DSCAML1: variants seen among roughly 807,000 people sequenced by gnomAD.
DSCAML1 encodes the protein DS cell adhesion molecule like 1, also known as cell adhesion molecule DSCAML1.
DSCAML1 carries 38 observed loss-of-function variants against 200.5 expected under a neutral mutation model. The observed-to-expected ratio is 0.19, with a 90% confidence interval of 0.15 to 0.25. DSCAML1 has a LOEUF of 0.25. Ranked by LOEUF, DSCAML1 falls within the 10% of genes least tolerant of loss-of-function variation. The probability of loss-of-function intolerance (pLI) is 1.00; values close to 1 mark genes in which losing one functional copy is unlikely to be tolerated. For synonymous variants in DSCAML1, 1,215 were observed against 1,165.0 expected (o/e 1.04, Z -0.87); for missense variants, 2,223 against 2,858.8 (o/e 0.78, Z 5.07).
intron 3 of DSCAML1, among the ~76,000 whole-genome samples, chr11:117,628,874 A>G (rs1316498344): frequency 6.6e-6 from 1 of 152,186 alleles, no homozygotes; most frequent in Non-Finnish European, 1.5e-5. Context: ...GAGATAAAGC[A>G]TCTTGTCCAA....
At chr11:117,521,024 G>C in intron 6 of DSCAML1, 106 bp downstream of exon 6, 1 of 1,469,706 alleles carries the variant, frequency 6.8e-7, no homozygotes, top group Non-Finnish European at 9.3e-7. Flanking sequence ...GGTGTGTAGT[G>C]AGCGCTGGTT....
At chr11:117,799,119 C>G (rs938315251), upstream of DSCAML1, among the ~76,000 whole-genome samples, 2 of 152,192 alleles carry the variant, frequency 1.3e-5, no homozygotes, top group African/African-American at 4.8e-5. Context: ...CCTCACGTTT[C>G]CAGTCTTCTG....
At chr11:117,801,098 G>C (rs1031138668), upstream of DSCAML1, 2 of 152,038 alleles carry the variant, frequency 1.3e-5, no homozygotes, top group African/African-American at 4.8e-5. Context: ...TTATCAGTTG[G>C]GGGAGGAAAA....
chr11:117,680,119 G>C (rs2053286208), intron 3 of DSCAML1, among the ~76,000 whole-genome samples: 1 of 152,214 alleles, frequency 6.6e-6, no homozygotes, highest in Non-Finnish European at 1.5e-5. Flanking sequence ...CCGACCATGA[G>C]ATCTCTAGAG....
At chr11:117,671,770 C>T (rs1049444102) in intron 3 of DSCAML1, among the ~76,000 whole-genome samples, 3 of 151,992 alleles carry the variant, frequency 2.0e-5, no homozygotes, top group East Asian at 1.9e-4. Context: ...GCAGAGTGGG[C>T]GGGGGAGAAG....
chr11:117,524,744 C>A, intron 5 of DSCAML1, 61 bp downstream of exon 5: 1 of 1,530,188 alleles, frequency 6.5e-7, no homozygotes, highest in Non-Finnish European at 8.8e-7. Flanking sequence ...ACACTCCTCC[C>A]CCGACCCCTG....
intron 3 of DSCAML1, among the ~76,000 whole-genome samples, chr11:117,554,011 T>C (rs2050513894): frequency 6.6e-6 from 1 of 152,252 alleles, no homozygotes; most frequent in African/African-American, 2.4e-5. Flanking sequence ...ACAACATGGA[T>C]GAACTTTGAG....
rs573944372 is a variant in DSCAML1 at position 117,560,965 on chromosome 11, G to A, written c.512-28443C>T. On this transcript the variant is annotated intron_variant, in intron 3 of 32. Coordinates refer to ENST00000651296, the MANE Select transcript of DSCAML1 (RefSeq NM_020693.4). ...GCTCTCCTGAGGGCGGGGCTCCAGG[G>A]CTGCCAGATGGGTTTCAGGGATAGA... Among the ~76,000 whole-genome samples the A allele has an allele frequency of 1.4e-3, 212 of 152,326 alleles. 4 individuals carry two copies. The South Asian group carries it at 0.041, about 30-fold the overall frequency.
chr11:117,773,529 G>GCACACACA lies in DSCAML1; in HGVS notation c.511+3254_511+3261dup, dbSNP rs59492776. ...CCATCCAGCCTCCTCACCTCAAAAT[G>GCACACACA]CACACACACACACACACACACACAC... On this transcript the variant is annotated intron_variant, in intron 3 of 32. Transcript: ENST00000651296. 7.5e-3 allele frequency among the ~76,000 whole-genome samples: 1,084 copies of GCACACACA among 144,566 alleles called. 6 individuals are homozygous for GCACACACA. The highest frequency in any genetic ancestry group is 0.025 in the East Asian group (120 of 4,836). 94.8% of individuals were successfully genotyped at this position (144,566 alleles called of 152,430 possible).
intron 3 of DSCAML1, among the ~76,000 whole-genome samples, chr11:117,546,939 C>T (rs960865209): frequency 6.6e-6 from 1 of 152,124 alleles, no homozygotes; most frequent in Non-Finnish European, 1.5e-5. Context: ...CCTCCTCAGC[C>T]CCATTGTAAT....
At chr11:117,631,471 G>GT (rs1167917223) in intron 3 of DSCAML1, among the ~76,000 whole-genome samples, 2 of 152,194 alleles carry the variant, frequency 1.3e-5, no homozygotes, top group African/African-American at 4.8e-5. Flanking sequence ...TCTTCTTAGT[G>GT]TCCCCCTCCA....
At chr11:117,757,733 T>A (rs1272222346) in intron 3 of DSCAML1, among the ~76,000 whole-genome samples, 2 of 152,012 alleles carry the variant, frequency 1.3e-5, no homozygotes, top group Non-Finnish European at 1.5e-5. Context: ...ATCCTCAAAA[T>A]CACCTCAAGC....
At chr11:117,595,556 G>A (rs187599693) in intron 3 of DSCAML1, among the ~76,000 whole-genome samples, 3 of 152,176 alleles carry the variant, frequency 2.0e-5, no homozygotes, top group Non-Finnish European at 4.4e-5. Context: ...TCTGTGGATA[G>A]GCTGTGATAA....
chr11:117,769,545 A>ATT (rs1212786390), intron 3 of DSCAML1, among the ~76,000 whole-genome samples: 41 of 2,258 alleles, frequency 0.018, 4 homozygotes, highest in South Asian at 0.11. Flanking sequence ...TATATTATAT[A>ATT]TTTTATATAT....
intron 8 of DSCAML1, among the ~76,000 whole-genome samples, chr11:117,507,299 C>T (rs1331795473): frequency 1.3e-5 from 2 of 152,210 alleles, no homozygotes; most frequent in Admixed American, 6.5e-5. Flanking sequence ...CGCACCCCTC[C>T]CTGGAAGCCT....
intron 3 of DSCAML1, among the ~76,000 whole-genome samples, chr11:117,597,242 A>G (rs1041604177): frequency 3.3e-5 from 5 of 152,226 alleles, no homozygotes; most frequent in Non-Finnish European, 5.9e-5. Context: ...CTCGAGAGCC[A>G]CTTTAATCAC....
At chr11:117,692,649 T>C (rs1315063125) in intron 3 of DSCAML1, among the ~76,000 whole-genome samples, 1 of 152,182 alleles carries the variant, frequency 6.6e-6, no homozygotes, top group Admixed American at 6.5e-5. Flanking sequence ...CAGAAGCTGA[T>C]CACTAGAAGA....
intron 18 of DSCAML1, among the ~76,000 whole-genome samples, chr11:117,460,016 T>C (rs574116023): frequency 2.8e-4 from 43 of 152,336 alleles, no homozygotes; most frequent in African/African-American, 1.0e-3. Context: ...TGTCCAGGAC[T>C]GGAGCCAGAG....
chr11:117,488,528 TGCACAG>T lies in DSCAML1; in HGVS notation c.2360-6372_2360-6367del, dbSNP rs202072986. 4.3e-3 allele frequency among the ~76,000 whole-genome samples: 634 copies of T among 148,536 alleles called. 7 individuals carry two copies. The highest frequency in any genetic ancestry group is 0.014 in the African/African-American group (562 of 39,254). ...CTCACCAGGAGTACAAATCCTGACA[TGCACAG>T]ACACAGACACACACACACACACCAC... is the stretch of plus-strand genomic sequence containing the variant. On this transcript the variant is annotated intron_variant, in intron 11 of 32. Transcript: ENST00000651296.
Sources: allele counts gnomAD v4.1 joint callset (sites outside exome capture counted in the v4.1 genomes callset), GRCh38; gene constraint gnomAD v4.1.1; transcripts MANE v1.5; gene names NCBI Gene and HGNC (gene_info 2026-07-23, HGNC 2026-07-21).